HDAC11: variants seen among roughly 807,000 people sequenced by gnomAD.
HDAC11 encodes histone deacetylase 11.
HDAC11 carries 23 observed loss-of-function variants against 41.1 expected under a neutral mutation model. The ratio of observed to expected loss-of-function variants is 0.56; its 90% CI spans 0.40 to 0.79. HDAC11 has a LOEUF of 0.79. Among genes scored for constraint, HDAC11 ranks in the 30% least tolerant of loss-of-function variants. The pLI, the probability that HDAC11 is intolerant of heterozygous loss-of-function variation, is 0.00. For synonymous variants in HDAC11, 187 were observed against 186.6 expected, an observed-to-expected ratio of 1.00 and a Z score of -0.02; for missense variants, 402 against 477.3, an observed-to-expected ratio of 0.84 and a Z score of 1.47.
chr3:13,491,064 A>G (rs1701834799), intron 3 of HDAC11, among the ~76,000 whole-genome samples: 1 of 133,336 alleles, frequency 7.5e-6, no homozygotes, highest in African/African-American at 2.9e-5. Flanking sequence ...CTTAGCTTTA[A>G]TAGTTGTGTG....
At chr3:13,499,979 A>G (rs1353436725) in intron 5 of HDAC11, among the ~76,000 whole-genome samples, 1 of 152,106 alleles carries the variant, frequency 6.6e-6, no homozygotes, top group South Asian at 2.1e-4. Flanking sequence ...TGGTGATGCT[A>G]ATGCCCCTCC....
intron 3 of HDAC11, among the ~76,000 whole-genome samples, chr3:13,486,854 C>G (rs895214909): frequency 1.3e-5 from 2 of 152,168 alleles, no homozygotes; most frequent in East Asian, 3.8e-4. Flanking sequence ...GCTGGGATTA[C>G]AGGCATGAGC....
At chr3:13,484,590 G>A (rs1034957708) in intron 3 of HDAC11, among the ~76,000 whole-genome samples, 2 of 152,082 alleles carry the variant, frequency 1.3e-5, no homozygotes, top group Non-Finnish European at 2.9e-5. Context: ...GCAGTGGCAC[G>A]ATCTCAGCTC....
At chr3:13,489,560 AT>A (rs1022716747) in intron 3 of HDAC11, among the ~76,000 whole-genome samples, 3 of 152,086 alleles carry the variant, frequency 2.0e-5, no homozygotes, top group African/African-American at 7.2e-5. Flanking sequence ...AATTCTATTC[AT>A]TTTTTTGGTT....
Position 13,501,885 on chromosome 3 carries a change from T to C in HDAC11, c.504T>C (p.Arg168=), listed in dbSNP as rs1470091765. Residue 168 remains arginine, a synonymous_variant, in exon 7 of 10, where the codon CGT becomes CGC. Transcript: ENST00000295757. ...CTCCCTGGCAGTTTCTGTTTGAGCG[T>C]GTGGAGGGCATCTCCAGGGCTACCA... ...ITLAIKFLFE[R]VEGISRATII... is the part of the protein sequence containing the mutation. The C allele has an allele frequency of 1.2e-6, 2 of 1,613,902 alleles. No homozygotes were observed. The highest frequency in any genetic ancestry group is 1.3e-5 in the African/African-American group (1 of 74,898).
intron 4 of HDAC11, among the ~76,000 whole-genome samples, chr3:13,498,045 G>A (rs536336411): frequency 5.9e-5 from 9 of 151,762 alleles, no homozygotes; most frequent in East Asian, 5.8e-4. Flanking sequence ...TAGTAGAGAC[G>A]GGGTTTCACC....
intron 3 of HDAC11, among the ~76,000 whole-genome samples, chr3:13,487,871 G>T (rs1039984350): frequency 1.3e-5 from 2 of 152,058 alleles, no homozygotes; most frequent in Admixed American, 1.3e-4. Context: ...ATGTTAGATG[G>T]TGCTGAGTGT....
At chr3:13,489,289 A>G (rs772735167) in intron 3 of HDAC11, among the ~76,000 whole-genome samples, 13 of 152,098 alleles carry the variant, frequency 8.5e-5, no homozygotes, top group Non-Finnish European at 1.6e-4. Context: ...CTAAGAATCC[A>G]TTGCCAAACC....
chr3:13,497,711 C>T (rs933304974), intron 4 of HDAC11, among the ~76,000 whole-genome samples: 5 of 152,186 alleles, frequency 3.3e-5, no homozygotes, highest in African/African-American at 1.2e-4. Flanking sequence ...AGCCCTGGAT[C>T]ACTACCTACT....
intron 1 of HDAC11, 140 bp from the exon 2 acceptor site, chr3:13,481,106 T>C: frequency 1.2e-6 from 1 of 853,194 alleles, no homozygotes. Context: ...TAAGCAGCTG[T>C]TGTTGAGGGG....
intron 3 of HDAC11, among the ~76,000 whole-genome samples, chr3:13,483,765 G>A (rs1348362544): frequency 1.3e-5 from 2 of 152,046 alleles, no homozygotes; most frequent in African/African-American, 2.4e-5. Context: ...CCTCAGTTTG[G>A]GCCAGGCCAC....
In HDAC11 at chr3:13,496,863, T is replaced by TGGGGGGGGG; in HGVS notation, c.369+18_369+19insGGGGGGGGG. On this transcript the variant is annotated intron_variant, in intron 4 of 9. Transcript: ENST00000295757. Reference sequence around the variant, plus strand: ...GGAGGAACCATAATGGTAGGTGGGGTGGGGGGGCATGGCTGGGCTGGGGGC... The same window carrying TGGGGGGGGG: ...GGAGGAACCATAATGGTAGGTGGGGTGGGGGGGGGGGGGGGGCATGGCTGGGCTGGGGGC... The TGGGGGGGGG allele has an allele frequency of 9.3e-7, 1 of 1,080,022 alleles. No homozygotes were observed. Among genetic ancestry groups the TGGGGGGGGG allele is most frequent in the Non-Finnish European group, 1.4e-6 (1 of 736,162 alleles). 66.9% of individuals were successfully genotyped at this position (1,080,022 alleles called of 1,614,324 possible). A position where few individuals can be genotyped will look rare whatever the true frequency, so the allele number is the denominator to read the frequency against.
intron 3 of HDAC11, among the ~76,000 whole-genome samples, chr3:13,492,081 AC>A (rs1701891266): frequency 1.3e-5 from 2 of 152,180 alleles, no homozygotes; most frequent in Non-Finnish European, 2.9e-5. Context: ...TTTCAGATGA[AC>A]CCTGCAAGAG....
intron 3 of HDAC11, among the ~76,000 whole-genome samples, chr3:13,492,342 T>A (rs767613061): frequency 2.0e-5 from 3 of 152,160 alleles, no homozygotes; most frequent in Non-Finnish European, 4.4e-5. Flanking sequence ...ATCAACGGCA[T>A]GCATGGCCAG....
chr3:13,503,257 T>TA (rs1198929840), intron 8 of HDAC11: 1 of 290,668 alleles, frequency 3.4e-6, no homozygotes, highest in African/African-American at 2.2e-5. Flanking sequence ...AATTTGAAAA[T>TA]ACGAAATAAG....
intron 3 of HDAC11, among the ~76,000 whole-genome samples, chr3:13,496,233 T>C (rs1559377469): frequency 6.6e-6 from 1 of 152,196 alleles, no homozygotes; most frequent in Non-Finnish European, 1.5e-5. Context: ...GAAGGTCCGA[T>C]TCCCAATGGA....
chr3:13,501,086 G>C (rs1350173696), intron 6 of HDAC11, among the ~76,000 whole-genome samples: 1 of 152,218 alleles, frequency 6.6e-6, no homozygotes, highest in African/African-American at 2.4e-5. Context: ...TAAGTTGTAG[G>C]AAGAAGGGCA....
intron 3 of HDAC11, among the ~76,000 whole-genome samples, chr3:13,485,876 AG>A (rs1454848632): frequency 6.6e-6 from 1 of 152,216 alleles, no homozygotes; most frequent in Non-Finnish European, 1.5e-5. Context: ...CCACTGAAAA[AG>A]TTAACCAAGA....
At chr3:13,498,628 G>A in intron 5 of HDAC11, 73 bp downstream of exon 5, 2 of 1,403,282 alleles carry the variant, frequency 1.4e-6, no homozygotes, top group African/African-American at 1.4e-5. Context: ...GGCTGGGGGA[G>A]GGCGGGAGGA....
Sources: allele counts gnomAD v4.1 joint callset (sites outside exome capture counted in the v4.1 genomes callset), GRCh38; gene constraint gnomAD v4.1.1; transcripts MANE v1.5; gene names NCBI Gene and HGNC (gene_info 2026-07-23, HGNC 2026-07-21).